The following GALNT9 variants were observed in gnomAD, a reference collection of about 807,000 sequenced individuals.
GALNT9 encodes the protein GalNAc transferase 9.
In GALNT9, 47 loss-of-function variants were observed where a neutral mutation model predicts 63.1. That is an observed-to-expected ratio of 0.75 (90% confidence interval 0.59 to 0.95). GALNT9 has a LOEUF of 0.95. GALNT9 is among the 40% of genes least tolerant of loss of function. The probability of loss-of-function intolerance (pLI) is 0.00; values close to 1 mark genes in which losing one functional copy is unlikely to be tolerated. For synonymous variants in GALNT9, 396 were observed against 365.7 expected (o/e 1.08, Z -0.94); for missense variants, 829 against 874.8 (o/e 0.95, Z 0.66).
chr12:132,288,384 CCTT>C (rs1424421039), intron 1 of GALNT9, among the ~76,000 whole-genome samples: 5 of 152,346 alleles, frequency 3.3e-5, no homozygotes, highest in Admixed American at 6.5e-5. Context: ...AATCACTTCC[CCTT>C]CTTATTTTAA....
intron 6 of GALNT9, among the ~76,000 whole-genome samples, chr12:132,207,322 A>G (rs78277161): frequency 0.032 from 4,925 of 152,304 alleles, 254 homozygotes; most frequent in African/African-American, 0.11. Flanking sequence ...GAGGCCGGGC[A>G]CACAGTAGGT....
chr12:132,319,537 G>A lies in GALNT9; in HGVS notation c.238+9429C>T, dbSNP rs1270044528. 6.6e-6 allele frequency among the ~76,000 whole-genome samples: 1 copy of A among 152,156 alleles called. No homozygotes were observed. The highest frequency in any genetic ancestry group is 1.5e-5 in the Non-Finnish European group (1 of 68,028). On this transcript the variant is annotated intron_variant, in intron 1 of 10. Transcript: ENST00000328957. The surrounding 1 kb of genome is among the most constrained non-coding windows in gnomAD (Gnocchi z 5.2). ...AGACGGCAGATGATGGGGCCTCTTGGTCTGCACAGTCACGGGAGCCAATCC... is the reference window on the plus strand; with the variant it reads ...AGACGGCAGATGATGGGGCCTCTTGATCTGCACAGTCACGGGAGCCAATCC...
intron 1 of GALNT9, among the ~76,000 whole-genome samples, chr12:132,294,435 T>C (rs868925210): frequency 5.9e-5 from 9 of 152,288 alleles, no homozygotes; most frequent in South Asian, 4.1e-4. Context: ...CCTCCAGAAG[T>C]GTCTGATCCA....
In GALNT9 at chr12:132,197,222, C is replaced by A. The variant is rs199840809; in HGVS notation, c.1697G>T (p.Arg566Leu). Residue 566 changes from arginine (R) to leucine (L), a missense_variant, in exon 11 of 11, where the codon CGC (arginine) becomes CTC (leucine). Physicochemically the swap from Arg to Leu is moderately radical, Grantham distance 102. Transcript: ENST00000328957. ...SGPIVSRATGRCLEVEMSKDA... is the reference protein window; with the variant it reads ...SGPIVSRATGLCLEVEMSKDA... Reference sequence around the variant, plus strand: ...TTTGGACATCTCCACCTCCAGGCAGCGGCCCGTGGCCCGGCTCACAATGGG... The same window carrying A: ...TTTGGACATCTCCACCTCCAGGCAGAGGCCCGTGGCCCGGCTCACAATGGG... 6.2e-7 allele frequency: 1 copy of A among 1,613,412 alleles called. No homozygotes were observed. The highest frequency in any genetic ancestry group is 8.5e-7 in the Non-Finnish European group (1 of 1,179,992).
intron 4 of GALNT9, among the ~76,000 whole-genome samples, chr12:132,259,572 C>T (rs1280829517): frequency 5.3e-5 from 8 of 152,154 alleles, no homozygotes; most frequent in African/African-American, 1.2e-4. Flanking sequence ...CCAGGAAAGC[C>T]GAGTGTGAGG....
At chr12:132,217,236 CCATG>C (rs1877236938) in intron 6 of GALNT9, among the ~76,000 whole-genome samples, 1 of 151,666 alleles carries the variant, frequency 6.6e-6, no homozygotes, top group South Asian at 2.1e-4. Context: ...ATTCATCCAT[CCATG>C]CATCCCACCC....
intron 2 of GALNT9, among the ~76,000 whole-genome samples, chr12:132,267,322 G>A (rs1879639423): frequency 6.6e-6 from 1 of 152,166 alleles, no homozygotes; most frequent in Non-Finnish European, 1.5e-5. Flanking sequence ...GGCCACACTG[G>A]GAGGCATGTG....
rs115903825 is a variant in GALNT9 at position 132,257,666 on chromosome 12, C to T, written c.959+23G>A. The T allele has an allele frequency of 9.6e-4, 1,467 of 1,534,070 alleles. 15 individuals carry two copies. In the African/African-American group the frequency reaches 0.018, roughly 18 times the overall value. On this transcript the variant is annotated intron_variant, in intron 5 of 10. Coordinates refer to ENST00000328957, the MANE Select transcript of GALNT9 (RefSeq NM_001122636.2). Reference sequence around the variant, plus strand: ...GCTCCTTGCCGGGCAGGGCCGCCCTCGACCCCTGAGGGCGCAGCTCACCTG... The same window carrying T: ...GCTCCTTGCCGGGCAGGGCCGCCCTTGACCCCTGAGGGCGCAGCTCACCTG...
chr12:132,213,659 A>G (rs1877064738), intron 6 of GALNT9, among the ~76,000 whole-genome samples: 2 of 152,212 alleles, frequency 1.3e-5, no homozygotes, highest in Admixed American at 1.3e-4. Flanking sequence ...ACCTGCAGGG[A>G]CAGCTCATTC....
At chr12:132,263,510 G>A (rs551489553) in intron 2 of GALNT9, among the ~76,000 whole-genome samples, 1 of 152,212 alleles carries the variant, frequency 6.6e-6, no homozygotes, top group Non-Finnish European at 1.5e-5. Context: ...AGCCCAGGGG[G>A]AGGGGGGCAG....
intron 1 of GALNT9, among the ~76,000 whole-genome samples, chr12:132,317,814 T>C (rs1251309267): frequency 1.3e-5 from 2 of 152,188 alleles, no homozygotes; most frequent in Admixed American, 6.5e-5. Context: ...TCGGTGGGGC[T>C]GCACAGGGGC....
At chr12:132,198,048 G>A in intron 9 of GALNT9, 89 bp from the exon 10 acceptor site, 1 of 1,106,338 alleles carries the variant, frequency 9.0e-7, no homozygotes, top group Non-Finnish European at 1.3e-6. Context: ...GCCTTGAGCT[G>A]CAAACGGGGC....
chr12:132,327,986 T>C lies in GALNT9; in HGVS notation c.238+980A>G, dbSNP rs1450239915. Among the ~76,000 whole-genome samples the C allele has an allele frequency of 1.3e-5, 2 of 152,038 alleles. No individual in the cohort carries two copies. Among genetic ancestry groups the C allele is most frequent in the African/African-American group, 4.8e-5 (2 of 41,406 alleles). The stretch of plus-strand genomic sequence containing the variant: ...TCCCACTCGAGCCTGTTACGGATGC[T>C]TTCTGGAGGAGGTTTGCTGGGGCTG... On this transcript the variant is annotated intron_variant, in intron 1 of 10. Transcript: ENST00000328957. The surrounding 1 kb of genome is among the most constrained non-coding windows in gnomAD (Gnocchi z 4.3).
chr12:132,204,167 TCCC>T (rs201981146), intron 6 of GALNT9, among the ~76,000 whole-genome samples: 4 of 74,528 alleles, frequency 5.4e-5, no homozygotes, highest in Admixed American at 4.0e-4. Context: ...CCAACCAGCC[TCCC>T]CAGCTAATAA....
At chr12:132,278,587 G>A (rs1880204462) in intron 2 of GALNT9, 1 of 152,288 alleles carries the variant, frequency 6.6e-6, no homozygotes, top group African/African-American at 2.4e-5. Context: ...GCCCTCCCCG[G>A]GGCTGGGGCC....
At chr12:132,244,098 T>G (rs2136906218) in intron 6 of GALNT9, among the ~76,000 whole-genome samples, 3,974 of 148,954 alleles carry the variant, frequency 0.027, 82 homozygotes, top group Middle Eastern at 0.092. Context: ...GGCCGGCCAC[T>G]CGGACCACGG....
rs377150416 is a variant in GALNT9, at chr12:132,296,297, G to A, written c.239-9867C>T. ...GCACAGCCTCATGCTCACGCCAGCCGTCCAGCCCACTCAGACCAGCGGACA... is the reference window on the plus strand; with the variant it reads ...GCACAGCCTCATGCTCACGCCAGCCATCCAGCCCACTCAGACCAGCGGACA... On this transcript the variant is annotated intron_variant, in intron 1 of 10. Transcript: ENST00000328957. This position sits in a 1 kb window ranked among gnomAD's most constrained non-coding sequence, Gnocchi z 4.2. Among the ~76,000 whole-genome samples the A allele has an allele frequency of 1.1e-4, 17 of 152,342 alleles. No individual in the cohort carries two copies. The highest frequency in any genetic ancestry group is 5.8e-4 in the East Asian group (3 of 5,182).
rs141426147 is a variant in GALNT9 at position 132,315,082 on chromosome 12, C to T, written c.238+13884G>A. Among the ~76,000 whole-genome samples the T allele has an allele frequency of 3.0e-3, 452 of 152,272 alleles. 1 individual carries two copies. The highest frequency in any genetic ancestry group is 9.7e-3 in the African/African-American group (405 of 41,566). On this transcript the variant is annotated intron_variant, in intron 1 of 10. Coordinates refer to ENST00000328957, the MANE Select transcript of GALNT9 (RefSeq NM_001122636.2). The surrounding 1 kb of genome is among the most constrained non-coding windows in gnomAD (Gnocchi z 6.1). ...GGAAGCTGAGGAGCGGGAGACTGGG[C>T]GGCCTGACGGAGGTGGCCCAGGGGG... is the stretch of plus-strand genomic sequence containing the variant.
At position 132,316,020 on chromosome 12, in the gene GALNT9, C is replaced by A. The variant is rs932325588; in HGVS notation, c.238+12946G>T. Among the ~76,000 whole-genome samples the A allele has an allele frequency of 5.3e-5, 8 of 152,210 alleles. No individual in the cohort carries two copies. The highest frequency in any genetic ancestry group is 1.2e-4 in the Non-Finnish European group (8 of 68,038). On this transcript the variant is annotated intron_variant, in intron 1 of 10. Transcript: ENST00000328957. This position sits in a 1 kb window ranked among gnomAD's most constrained non-coding sequence, Gnocchi z 4.3. ...TCCTGGAGAGGGCACGGCAGGCAGG[C>A]AGCCCCCGAAACGGCCGCCCACCCC...
Sources: gnomAD v4.1 joint callset for allele counts (sites outside exome capture counted in the v4.1 genomes callset) on GRCh38, gnomAD v4.1.1 for gene constraint, Gnocchi (gnomAD v3.1) non-coding constraint, MANE v1.5 for transcripts, NCBI Gene and HGNC (gene_info 2026-07-23, HGNC 2026-07-21) for gene names.